Variants in GRID2 observed in about 807,000 individuals in gnomAD.
GRID2 encodes glutamate receptor ionotropic, delta-2.
A neutral mutation model predicts 114.8 loss-of-function variants in GRID2; 33 were observed. The ratio of observed to expected loss-of-function variants is 0.29; its 90% CI spans 0.22 to 0.38. The LOEUF (loss-of-function observed/expected upper bound fraction) is 0.38. Among genes scored for constraint, GRID2 ranks in the 10% least tolerant of loss-of-function variants. GRID2 has a pLI of 1.00. For missense variants in GRID2, 1,184 were observed against 1,257.7 expected (o/e 0.94, Z 0.89); for synonymous variants, 505 against 449.9 (o/e 1.12, Z -1.55).
chr4:93,746,618 T>C (rs1430407121), intron 14 of GRID2, among the ~76,000 whole-genome samples: 1 of 152,086 alleles, frequency 6.6e-6, no homozygotes, highest in Non-Finnish European at 1.5e-5. Context: ...TGCAAGAAAG[T>C]ACAAAATGTT....
At chr4:93,304,760 T>G (rs1365552880) in intron 8 of GRID2, among the ~76,000 whole-genome samples, 1 of 151,866 alleles carries the variant, frequency 6.6e-6, no homozygotes, top group East Asian at 1.9e-4. Flanking sequence ...TAGCAAATAT[T>G]TTTTTAATTG....
chr4:93,782,037 G>T (rs752577477), intron 1 of GRID2, among the ~76,000 whole-genome samples: 4 of 151,990 alleles, frequency 2.6e-5, no homozygotes, highest in African/African-American at 7.3e-5. Flanking sequence ...GTAGTTCTCC[G>T]CTGGTTCTTC....
chr4:93,618,900 C>T (rs1276031300), intron 13 of GRID2, among the ~76,000 whole-genome samples: 1 of 152,156 alleles, frequency 6.6e-6, no homozygotes, highest in Non-Finnish European at 1.5e-5. Context: ...GGTAAAGAAG[C>T]TACATTCAGT....
At chr4:92,653,711 A>G (rs1295102070) in intron 2 of GRID2, among the ~76,000 whole-genome samples, 1 of 152,098 alleles carries the variant, frequency 6.6e-6, no homozygotes, top group Non-Finnish European at 1.5e-5. Context: ...GTGAGCCAGC[A>G]GATTTGGGTG....
chr4:92,629,381 ACCT>A (rs1730680354), intron 2 of GRID2, among the ~76,000 whole-genome samples: 1 of 151,684 alleles, frequency 6.6e-6, no homozygotes, highest in South Asian at 2.1e-4. Flanking sequence ...ATCATTTCAA[ACCT>A]CCTCAGTACA....
chr4:93,214,308 C>A (rs541502304), intron 5 of GRID2, among the ~76,000 whole-genome samples: 1 of 152,084 alleles, frequency 6.6e-6, no homozygotes, highest in South Asian at 2.1e-4. Context: ...TTTTAATACA[C>A]AAGTTTATTT....
intron 2 of GRID2, among the ~76,000 whole-genome samples, chr4:92,896,026 G>A (rs1222504602): frequency 6.6e-6 from 1 of 152,174 alleles, no homozygotes; most frequent in Admixed American, 6.5e-5. Flanking sequence ...TTTAGGGACA[G>A]TAAGGAATTT....
chr4:92,709,310 G>A (rs1735104643), intron 2 of GRID2, among the ~76,000 whole-genome samples: 2 of 151,972 alleles, frequency 1.3e-5, no homozygotes, highest in African/African-American at 4.8e-5. Flanking sequence ...TCATCTATTT[G>A]TTAAGTAAAT....
Position 92,975,933 on chromosome 4 carries a change from T to C in GRID2, c.245-109062T>C, listed in dbSNP as rs1007684442. The stretch of plus-strand genomic sequence containing the variant: ...AAATTTACATGACTATATGTGTATA[T>C]ACACAGACACATATACATATATGAT... On this transcript the variant is annotated intron_variant, in intron 2 of 15. Transcript: ENST00000282020. Among the ~76,000 whole-genome samples the C allele has an allele frequency of 3.3e-5, 5 of 151,772 alleles. No individual in the cohort carries two copies. The East Asian group carries it at 9.7e-4, about 29-fold the overall frequency.
chr4:93,256,979 G>A (rs1749669070), intron 8 of GRID2, among the ~76,000 whole-genome samples: 1 of 151,796 alleles, frequency 6.6e-6, no homozygotes, highest in Non-Finnish European at 1.5e-5. Flanking sequence ...TTTTATTAAA[G>A]CATCTAATTT....
At chr4:92,454,620 A>G (rs1336005372) in intron 1 of GRID2, among the ~76,000 whole-genome samples, 1 of 152,154 alleles carries the variant, frequency 6.6e-6, no homozygotes, top group Admixed American at 6.5e-5. Flanking sequence ...GCAGATCACG[A>G]GGTCAGGAGA....
rs116167785 is a variant in GRID2 at position 92,467,042 on chromosome 4, C to G, written c.89-123089C>G. ...CTCTCATTTCATTGCAAAGTTATTA[C>G]TATTAGAGAACATTTTAATTATTGT... On this transcript the variant is annotated intron_variant, in intron 1 of 15. Transcript: ENST00000282020. Among the ~76,000 whole-genome samples, 832 of 151,654 alleles carry G rather than the reference C, an allele frequency of 5.5e-3. 10 individuals carry two copies. The highest frequency in any genetic ancestry group is 0.019 in the African/African-American group (807 of 41,458).
intron 2 of GRID2, among the ~76,000 whole-genome samples, chr4:93,064,136 TATA>T (rs960100850): frequency 9.4e-5 from 14 of 149,696 alleles, no homozygotes; most frequent in African/African-American, 3.4e-4. Context: ...ATATAATATA[TATA>T]ATAACATAAT....
intron 14 of GRID2, among the ~76,000 whole-genome samples, chr4:93,689,579 T>C (rs10010418): frequency 0.57 from 86,403 of 151,744 alleles, 25,229 homozygotes; most frequent in East Asian, 0.74. Flanking sequence ...CTGAGTCAAA[T>C]TCATTAATTT....
chr4:92,457,454 A>G (rs550144457), intron 1 of GRID2, among the ~76,000 whole-genome samples: 2 of 152,276 alleles, frequency 1.3e-5, no homozygotes, highest in South Asian at 4.1e-4. Context: ...ATGAATAAAT[A>G]TATGAGAAGA....
At chr4:92,331,284 C>T (rs1726875399) in intron 1 of GRID2, among the ~76,000 whole-genome samples, 1 of 151,960 alleles carries the variant, frequency 6.6e-6, no homozygotes. Flanking sequence ...ATGTGCTAAC[C>T]ACAAAAAGTG....
At chr4:92,658,553 TC>T (rs2149267240) in intron 2 of GRID2, among the ~76,000 whole-genome samples, 1 of 151,814 alleles carries the variant, frequency 6.6e-6, no homozygotes, top group Non-Finnish European at 1.5e-5. Flanking sequence ...CTTACAATTT[TC>T]TTTGGTGAAA....
At chr4:92,704,026 C>G (rs1734813283) in intron 2 of GRID2, among the ~76,000 whole-genome samples, 1 of 152,268 alleles carries the variant, frequency 6.6e-6, no homozygotes, top group Admixed American at 6.5e-5. Flanking sequence ...CTGTGAATCC[C>G]AGCACTTTTG....
At chr4:92,536,027 C>T (rs1725606354) in intron 1 of GRID2, among the ~76,000 whole-genome samples, 1 of 152,126 alleles carries the variant, frequency 6.6e-6, no homozygotes, top group African/African-American at 2.4e-5. Flanking sequence ...GTTGCAGACC[C>T]AAAGAGTGAG....
Sources: gnomAD v4.1 joint callset for allele counts (sites outside exome capture counted in the v4.1 genomes callset) on GRCh38, gnomAD v4.1.1 for gene constraint, MANE v1.5 for transcripts, NCBI Gene and HGNC (gene_info 2026-07-23, HGNC 2026-07-21) for gene names.